The following ECI1 variants were observed in gnomAD, a reference collection of about 807,000 sequenced individuals.
ECI1 encodes the protein enoyl-CoA delta isomerase 1, also known as enoyl-CoA delta isomerase 1, mitochondrial.
A neutral mutation model predicts 34.2 loss-of-function variants in ECI1; 34 were observed. The observed-to-expected ratio is 1.00, with a 90% confidence interval of 0.76 to 1.33. ECI1 has a LOEUF of 1.33. ECI1 is among the 40% of genes most tolerant of loss of function. The probability of loss-of-function intolerance (pLI) is 0.00; values close to 1 mark genes in which losing one functional copy is unlikely to be tolerated. For synonymous variants in ECI1, 211 were observed against 193.0 expected, an observed-to-expected ratio of 1.09 and a Z score of -0.77; for missense variants, 456 against 422.2, an observed-to-expected ratio of 1.08 and a Z score of -0.70.
intron 4 of ECI1, chr16:2,244,196 CTGAT>C (rs1444098270): frequency 3.2e-6 from 2 of 627,418 alleles, no homozygotes; most frequent in African/African-American, 1.8e-5. Context: ...TGGGTCTTGT[CTGAT>C]TGACCCAGGC....
rs567986268 is a variant in ECI1 at position 2,242,956 on chromosome 16, C to T, written c.742+90G>A. On this transcript the variant is annotated intron_variant, in intron 6 of 6. Coordinates refer to ENST00000301729, the MANE Select transcript of ECI1 (RefSeq NM_001919.4). ...ATGGCTGTGATTATCAACAGTCTCC[C>T]GAAGTCACGATGTCCACAGAAAACC... 227 of 1,022,662 alleles carry T rather than the reference C, an allele frequency of 2.2e-4. No homozygotes were observed. The East Asian group carries it at 3.9e-3, about 18-fold the overall frequency. 63.3% of individuals were successfully genotyped at this position (1,022,662 alleles called of 1,614,324 possible).
chr16:2,247,352 C>T (rs1269370774), intron 2 of ECI1, among the ~76,000 whole-genome samples: 3 of 152,226 alleles, frequency 2.0e-5, no homozygotes, highest in Admixed American at 1.3e-4. Flanking sequence ...ACGTCGGCCT[C>T]CCAAAGTGCT....
At position 2,244,386 on chromosome 16, in the gene ECI1, C is replaced by G; in HGVS notation, c.441+20G>C. 6.2e-7 allele frequency: 1 copy of G among 1,610,904 alleles called. No individual in the cohort carries two copies. The highest frequency in any genetic ancestry group is 8.5e-7 in the Non-Finnish European group (1 of 1,179,236). ...GGCCCAGAACAGCCAGCGAGGCCAC[C>G]TGGGAGTGGGGACACTCACGTTGAT... On this transcript the variant is annotated intron_variant, in intron 4 of 6. Transcript: ENST00000301729.
chr16:2,251,218 G>A (rs2093552586), intron 2 of ECI1, 98 bp downstream of exon 2: 4 of 440,680 alleles, frequency 9.1e-6, no homozygotes, highest in East Asian at 8.6e-5. Flanking sequence ...AACACAAACC[G>A]AGCGTCGACA....
chr16:2,239,543 G>A lies in ECI1; in HGVS notation c.*436C>T. 1 of 291,732 alleles carries A rather than the reference G, an allele frequency of 3.4e-6. No individual in the cohort carries two copies. The highest frequency in any genetic ancestry group is 6.7e-6 in the Non-Finnish European group (1 of 149,014). 18.1% of individuals were successfully genotyped at this position (291,732 alleles called of 1,614,324 possible). On this transcript the variant is annotated 3_prime_UTR_variant, in exon 7 of 7. Transcript: ENST00000301729. ...CACTGTGCGCTCTTCATCCTGATGA[G>A]TAAGGGCAGTGACCAAAGGGCTTTT...
chr16:2,243,420 C>T lies in ECI1; in HGVS notation c.461G>A (p.Gly154Asp). ...GTCACAGGTCAGGGCCACCAGGCAG[C>T]CTCCAGCGGGGCAGGCTCCCTGCAG... ...SAINGACPAG[G>D]CLVALTCDYR... The change falls in exon 5 of 7, where the codon GGC (glycine) becomes GAC (aspartate). Residue 154 changes from glycine (G) to aspartate (D), a missense_variant. By Grantham distance (94) the Gly-to-Asp change is moderately conservative. Transcript: ENST00000301729. 1 of 1,613,256 alleles carries T rather than the reference C, an allele frequency of 6.2e-7. No individual in the cohort carries two copies. The highest frequency in any genetic ancestry group is 8.5e-7 in the Non-Finnish European group (1 of 1,180,032).
intron 6 of ECI1, among the ~76,000 whole-genome samples, chr16:2,241,334 C>T (rs1378286298): frequency 1.3e-5 from 2 of 152,102 alleles, no homozygotes; most frequent in African/African-American, 2.4e-5. Context: ...CTCACTCTGT[C>T]GTCCTGGCTG....
At chr16:2,248,260 C>T (rs2141508049) in intron 2 of ECI1, among the ~76,000 whole-genome samples, 1 of 151,602 alleles carries the variant, frequency 6.6e-6, no homozygotes, top group East Asian at 1.9e-4. Flanking sequence ...CTATGCCCAG[C>T]TAATTTTTGT....
In ECI1 at chr16:2,240,386, T is replaced by C. The variant is rs141727085; in HGVS notation, c.743-241A>G. ...GCCACCACACCCGGCTAATTTTGTA[T>C]TTTTAGTAGAGATGGGATTTCCTCA... On this transcript the variant is annotated intron_variant, in intron 6 of 6. Coordinates refer to ENST00000301729, the MANE Select transcript of ECI1 (RefSeq NM_001919.4). 2.4e-3 allele frequency: 1,120 copies of C among 468,966 alleles called. 7 individuals are homozygous for C. Among genetic ancestry groups the C allele is most frequent in the Non-Finnish European group, 2.5e-3 (636 of 255,996 alleles). 29.1% of individuals were successfully genotyped at this position (468,966 alleles called of 1,614,324 possible). A position where few individuals can be genotyped will look rare whatever the true frequency, so the allele number is the denominator to read the frequency against.
In ECI1 at chr16:2,244,559, G is replaced by A. The variant is rs181505389; in HGVS notation, c.295-7C>T. ...AGAAGACACCCGGGCGGTCCTGCAG[G>A]GGGAGCCGGGGCCACATGCCCATCA... On this transcript the variant is annotated splice_region_variant and splice_polypyrimidine_tract_variant and intron_variant, in intron 3 of 6. Transcript: ENST00000301729. 1.8e-4 allele frequency: 283 copies of A among 1,574,978 alleles called. 2 individuals are homozygous for A. In the Admixed American group the frequency reaches 5.0e-3, roughly 28 times the overall value.
At chr16:2,247,693 C>T (rs1353920072) in intron 2 of ECI1, among the ~76,000 whole-genome samples, 1 of 152,050 alleles carries the variant, frequency 6.6e-6, no homozygotes, top group African/African-American at 2.4e-5. Context: ...CCACAGCGCC[C>T]GGCCTGGGGG....
At chr16:2,243,863 C>A (rs929229519) in intron 4 of ECI1, among the ~76,000 whole-genome samples, 2 of 152,208 alleles carry the variant, frequency 1.3e-5, no homozygotes, top group African/African-American at 4.8e-5. Flanking sequence ...GAACCCCACA[C>A]TCACCCTGTG....
intron 2 of ECI1, among the ~76,000 whole-genome samples, chr16:2,247,850 G>A (rs1478670613): frequency 1.3e-5 from 2 of 152,026 alleles, no homozygotes; most frequent in African/African-American, 4.8e-5. Context: ...GGGATTATAG[G>A]CAAGCGCCAC....
chr16:2,244,193 T>C, intron 4 of ECI1: 2 of 621,830 alleles, frequency 3.2e-6, no homozygotes, highest in South Asian at 1.9e-5. Context: ...TTCTGGGTCT[T>C]GTCTGATTGA....
chr16:2,244,584 A>AGGGG, intron 3 of ECI1, 32 bp from the exon 4 acceptor site: 1 of 1,562,592 alleles, frequency 6.4e-7, no homozygotes, highest in Non-Finnish European at 8.7e-7. Flanking sequence ...CATGCCCATC[A>AGGGG]GAGTCCACCT....
chr16:2,243,548 C>T lies in ECI1; in HGVS notation c.442-109G>A, dbSNP rs1329797861. ...TGTGCCCTTGGCGCACCCCGACCCC[C>T]GCAGGGTTCAACACCCACAATGGTC... On this transcript the variant is annotated intron_variant, in intron 4 of 6. Transcript: ENST00000301729. 2.3e-5 allele frequency: 32 copies of T among 1,395,654 alleles called. 1 individual carries two copies. Among genetic ancestry groups the T allele is most frequent in the South Asian group, 5.9e-5 (5 of 84,458 alleles). 86.5% of individuals were successfully genotyped at this position (1,395,654 alleles called of 1,614,324 possible).
In ECI1 at chr16:2,246,906, C is replaced by G; in HGVS notation, c.247G>C (p.Glu83Gln). 6.2e-7 allele frequency: 1 copy of G among 1,613,808 alleles called. No homozygotes were observed. The highest frequency in any genetic ancestry group is 8.5e-7 in the Non-Finnish European group (1 of 1,180,026). ...EFLTELVISL[E>Q]KLENDKSFRG... ...AAGCTCTTGTCATTCTCCAGCTTCT[C>G]CAGGCTGATGACCAGCTCCGTCAGA... is the stretch of plus-strand genomic sequence containing the variant. The change falls in exon 3 of 7, where the codon GAG (glutamate) becomes CAG (glutamine). Residue 83 changes from glutamate (E) to glutamine (Q), a missense_variant. Coordinates refer to ENST00000301729, the MANE Select transcript of ECI1 (RefSeq NM_001919.4).
Position 2,251,445 on chromosome 16 carries a change from G to C in ECI1, c.53-16C>G. ...AGCCGGGCCCCTGCGAAGGCAGCGT[G>C]GGGGAGCCCGTTAGTTCCCGGTCCT... On this transcript the variant is annotated splice_polypyrimidine_tract_variant and intron_variant, in intron 1 of 6. Transcript: ENST00000301729. 2.0e-6 allele frequency: 3 copies of C among 1,498,326 alleles called. No individual in the cohort carries two copies. Among genetic ancestry groups the C allele is most frequent in the Non-Finnish European group, 2.7e-6 (3 of 1,125,222 alleles). The allele number at this position is 1,498,326 out of a possible 1,614,324, so 92.8% of individuals were successfully genotyped here.
At chr16:2,250,885 A>C (rs924231427) in intron 2 of ECI1, among the ~76,000 whole-genome samples, 2 of 152,044 alleles carry the variant, frequency 1.3e-5, no homozygotes, top group Admixed American at 6.6e-5. Context: ...GCAGTGGCAC[A>C]ATCTCGGCTC....
Sources: gnomAD v4.1 joint callset for allele counts (sites outside exome capture counted in the v4.1 genomes callset) on GRCh38, gnomAD v4.1.1 for gene constraint, MANE v1.5 for transcripts, NCBI Gene and HGNC (gene_info 2026-07-23, HGNC 2026-07-21) for gene names.